The following ESR1 variants were observed in gnomAD, a reference collection of about 807,000 sequenced individuals.
ESR1 encodes the protein estrogen receptor 1, also known as estrogen receptor.
A neutral mutation model predicts 52.7 loss-of-function variants in ESR1; 12 were observed. The observed-to-expected ratio is 0.23, with a 90% CI of 0.15 to 0.37. The LOEUF is 0.37. Ranked by LOEUF, ESR1 falls within the 10% of genes least tolerant of loss-of-function variation. The pLI, the probability that ESR1 is intolerant of heterozygous loss-of-function variation, is 1.00. For missense variants in ESR1, 584 were observed against 779.7 expected, an observed-to-expected ratio of 0.75 and a Z score of 2.99; for synonymous variants, 305 against 316.8, an observed-to-expected ratio of 0.96 and a Z score of 0.39.
intron 4 of ESR1, among the ~76,000 whole-genome samples, chr6:151,972,981 A>G (rs2039067700): frequency 6.6e-6 from 1 of 152,190 alleles, no homozygotes; most frequent in African/African-American, 2.4e-5. Context: ...TAGTCTTTCC[A>G]TGTTCTTCTG....
chr6:151,671,403 C>T (rs1448877784), intron 1 of ESR1, among the ~76,000 whole-genome samples: 1 of 152,126 alleles, frequency 6.6e-6, no homozygotes, highest in Non-Finnish European at 1.5e-5. Flanking sequence ...ACCTGGAGGA[C>T]ATCGTGCTAA....
intron 6 of ESR1, among the ~76,000 whole-genome samples, chr6:152,075,085 C>T (rs1279296513): frequency 6.6e-6 from 1 of 152,176 alleles, no homozygotes; most frequent in Non-Finnish European, 1.5e-5. Context: ...CTTTCTTCTG[C>T]TGAAGCCAAG....
rs982634597 is a variant in ESR1 at position 152,099,510 on chromosome 6, A to G, written c.*544A>G. 14 of 259,312 alleles carry G rather than the reference A, an allele frequency of 5.4e-5. No homozygotes were observed. Among genetic ancestry groups the G allele is most frequent in the African/African-American group, 3.0e-4 (14 of 46,344 alleles). The allele number at this position is 259,312 out of a possible 1,614,324, so 16.1% of individuals were successfully genotyped here. On this transcript the variant is annotated 3_prime_UTR_variant, in exon 8 of 8. Transcript: ENST00000206249. ...AAGTGGTACACCTTAAAGCTTTTAT[A>G]TGACTGTAGCAGAGTATCTGGTGAT...
intron 2 of ESR1, among the ~76,000 whole-genome samples, chr6:151,773,315 G>A (rs1785670071): frequency 6.6e-6 from 1 of 152,180 alleles, no homozygotes; most frequent in Non-Finnish European, 1.5e-5. Context: ...CCCTCAAACA[G>A]AACCAACCCT....
intron 5 of ESR1, among the ~76,000 whole-genome samples, chr6:152,026,984 G>A (rs1325059364): frequency 8.8e-6 from 1 of 113,298 alleles, no homozygotes; most frequent in Non-Finnish European, 1.8e-5. Flanking sequence ...TTTTTTTTTT[G>A]AGGTGGAGTT....
At chr6:151,660,070 C>A (rs1777588028) in intron 1 of ESR1, among the ~76,000 whole-genome samples, 1 of 152,130 alleles carries the variant, frequency 6.6e-6, no homozygotes, top group Admixed American at 6.5e-5. Context: ...CTTTAGAATT[C>A]AATAATTTCA....
intron 5 of ESR1, among the ~76,000 whole-genome samples, chr6:152,050,831 A>G (rs1395727999): frequency 6.6e-6 from 1 of 152,198 alleles, no homozygotes; most frequent in Non-Finnish European, 1.5e-5. Context: ...GGTCCTGGGT[A>G]ATTTTTCAAA....
chr6:151,909,137 A>T (rs1340030170), intron 3 of ESR1, among the ~76,000 whole-genome samples: 1 of 152,250 alleles, frequency 6.6e-6, no homozygotes, highest in African/African-American at 2.4e-5. Context: ...TGAAACTTAG[A>T]GACGGTTAGC....
intron 1 of ESR1, among the ~76,000 whole-genome samples, chr6:151,817,728 C>T (rs146330102): frequency 2.0e-5 from 3 of 152,270 alleles, no homozygotes; most frequent in African/African-American, 7.2e-5. Context: ...AAACACACAC[C>T]TGTGCCAGTT....
chr6:152,073,653 C>A (rs1198423917), intron 6 of ESR1, among the ~76,000 whole-genome samples: 1 of 152,214 alleles, frequency 6.6e-6, no homozygotes, highest in African/African-American at 2.4e-5. Context: ...TGTTGGCAGT[C>A]ATTTCTAGTT....
chr6:151,975,970 A>G (rs2039401645), intron 4 of ESR1, among the ~76,000 whole-genome samples: 1 of 152,064 alleles, frequency 6.6e-6, no homozygotes, highest in East Asian at 1.9e-4. Flanking sequence ...AGTGTACTTG[A>G]CCTTACTGTT....
chr6:151,811,379 T>C lies in ESR1; in HGVS notation c.452+3015T>C, dbSNP rs1450145958. ...TTTGAATAAAACTAAAGATGAAGCT[T>C]AACTATATCAACTATCCTTTTTAAA... On this transcript the variant is annotated intron_variant, in intron 1 of 7. Coordinates refer to ENST00000206249, the MANE Select transcript of ESR1 (RefSeq NM_000125.4). 2.0e-5 allele frequency: 3 copies of C among 152,212 alleles called. No individual in the cohort carries two copies. The South Asian group carries it at 6.2e-4, about 31-fold the overall frequency. The allele number at this position is 152,212 out of a possible 1,614,324, so 9.4% of individuals were successfully genotyped here. A position where few individuals can be genotyped will look rare whatever the true frequency, so the allele number is the denominator to read the frequency against.
chr6:151,697,381 G>T (rs1225700124), intron 1 of ESR1, among the ~76,000 whole-genome samples: 2 of 152,224 alleles, frequency 1.3e-5, no homozygotes, highest in Non-Finnish European at 2.9e-5. Context: ...GTGAGAAGCT[G>T]CAAGCTTGGT....
chr6:152,009,928 A>G (rs991818738), intron 4 of ESR1, among the ~76,000 whole-genome samples: 4 of 152,302 alleles, frequency 2.6e-5, no homozygotes, highest in African/African-American at 9.6e-5. Flanking sequence ...TTCATCATAC[A>G]TACAACCACA....
At chr6:151,901,121 T>C (rs1250355413) in intron 3 of ESR1, among the ~76,000 whole-genome samples, 3 of 152,246 alleles carry the variant, frequency 2.0e-5, no homozygotes, top group Middle Eastern at 6.8e-3. Context: ...TTGCTGAGGC[T>C]GTGCTGTGGG....
intron 6 of ESR1, among the ~76,000 whole-genome samples, chr6:152,071,105 C>G (rs1226002280): frequency 2.6e-5 from 4 of 152,080 alleles, no homozygotes; most frequent in Admixed American, 2.6e-4. Context: ...AGGGACTGCT[C>G]CCTGAAACCT....
chr6:151,660,229 C>G (rs562841898), intron 1 of ESR1, among the ~76,000 whole-genome samples: 1 of 152,232 alleles, frequency 6.6e-6, no homozygotes, highest in East Asian at 1.9e-4. Context: ...AGAGTTTGGG[C>G]GATGGGAAAA....
chr6:152,107,243 C>T (rs546506292), downstream of ESR1, among the ~76,000 whole-genome samples: 36 of 152,152 alleles, frequency 2.4e-4, no homozygotes, highest in African/African-American at 6.5e-4. Flanking sequence ...TGTTGGTATG[C>T]TTGATGTCAA....
chr6:151,886,632 G>T (rs544463518), intron 3 of ESR1, among the ~76,000 whole-genome samples: 4 of 152,162 alleles, frequency 2.6e-5, no homozygotes, highest in African/African-American at 9.6e-5. Context: ...CTGTTGCTTG[G>T]GTTTAATATT....
Sources: gnomAD v4.1 joint callset for allele counts (sites outside exome capture counted in the v4.1 genomes callset) on GRCh38, gnomAD v4.1.1 for gene constraint, MANE v1.5 for transcripts, NCBI Gene and HGNC (gene_info 2026-07-23, HGNC 2026-07-21) for gene names.